Variants in GALNT14 observed in about 807,000 individuals in gnomAD.
GALNT14 encodes UDP-GalNAc:polypeptide N-acetylgalactosaminyltransferase 14.
GALNT14 carries 60 observed loss-of-function variants against 77.5 expected under a neutral mutation model. The observed-to-expected ratio is 0.77, with a 90% confidence interval of 0.63 to 0.96. The LOEUF is 0.96. Among genes scored for constraint, GALNT14 ranks in the 40% least tolerant of loss-of-function variants. The pLI is 0.00. For synonymous variants in GALNT14, 280 were observed against 281.7 expected (o/e 0.99, Z 0.06); for missense variants, 710 against 731.0 (o/e 0.97, Z 0.33).
At chr2:31,056,042 G>A (rs1674188620) in intron 1 of GALNT14, among the ~76,000 whole-genome samples, 1 of 152,194 alleles carries the variant, frequency 6.6e-6, no homozygotes, top group South Asian at 2.1e-4. Context: ...GGGGCACAGG[G>A]AATCTACAGC....
At chr2:30,938,201 T>C (rs2148270547) in intron 9 of GALNT14, among the ~76,000 whole-genome samples, 1 of 151,814 alleles carries the variant, frequency 6.6e-6, no homozygotes, top group Non-Finnish European at 1.5e-5. Context: ...GCTTTGGAAA[T>C]CCCCCATTTT....
chr2:31,072,852 T>G (rs1486927596), intron 1 of GALNT14, among the ~76,000 whole-genome samples: 1 of 152,192 alleles, frequency 6.6e-6, no homozygotes, highest in African/African-American at 2.4e-5. Flanking sequence ...GCTTGCTGAT[T>G]GTCTACTTGT....
intron 2 of GALNT14, among the ~76,000 whole-genome samples, chr2:30,991,945 G>GCT (rs1211554204): frequency 6.6e-6 from 1 of 152,104 alleles, no homozygotes; most frequent in Non-Finnish European, 1.5e-5. Flanking sequence ...AATATAAGAG[G>GCT]CTAAGAAGCT....
intron 1 of GALNT14, among the ~76,000 whole-genome samples, chr2:31,137,105 C>T (rs1679259342): frequency 6.6e-6 from 1 of 152,204 alleles, no homozygotes; most frequent in Non-Finnish European, 1.5e-5. Context: ...GGAAGGCTAC[C>T]ATGTCACGAA....
At position 30,942,277 on chromosome 2, in the gene GALNT14, G is replaced by T. The variant is rs541207790; in HGVS notation, c.855C>A (p.Phe285Leu). The change falls in exon 9 of 15, where the codon TTC (phenylalanine) becomes TTA (leucine). Residue 285 changes from phenylalanine (F) to leucine (L), a missense_variant. By Grantham distance (22) the Phe-to-Leu change is conservative. Transcript: ENST00000349752. ...AATCAAACCAAGCTTTGTCGATCAC[G>T]AAGAGCCCTCCAGCTATGATAGGAG... is the stretch of plus-strand genomic sequence containing the variant. The part of the protein sequence containing the change: ...IRTPIIAGGL[F>L]VIDKAWFDYL... 6.2e-7 allele frequency: 1 copy of T among 1,614,024 alleles called. No homozygotes were observed. Among genetic ancestry groups the T allele is most frequent in the Non-Finnish European group, 8.5e-7 (1 of 1,179,938 alleles).
chr2:30,969,127 A>C (rs1668190875), intron 2 of GALNT14, among the ~76,000 whole-genome samples: 1 of 152,146 alleles, frequency 6.6e-6, no homozygotes, highest in Non-Finnish European at 1.5e-5. Context: ...AGGAGGCAAC[A>C]AGTCACAGAG....
At chr2:31,113,178 C>T (rs1677926214) in intron 1 of GALNT14, among the ~76,000 whole-genome samples, 1 of 152,124 alleles carries the variant, frequency 6.6e-6, no homozygotes, top group Admixed American at 6.5e-5. Flanking sequence ...ATTGATGAAG[C>T]AATTCTGGAT....
chr2:31,037,356 A>G (rs1672802116), intron 1 of GALNT14, among the ~76,000 whole-genome samples: 1 of 152,138 alleles, frequency 6.6e-6, no homozygotes, highest in African/African-American at 2.4e-5. Context: ...TTACCTACTT[A>G]CTGGTATTCT....
At chr2:30,989,443 T>C (rs1447270219) in intron 2 of GALNT14, among the ~76,000 whole-genome samples, 1 of 151,222 alleles carries the variant, frequency 6.6e-6, no homozygotes, top group Non-Finnish European at 1.5e-5. Flanking sequence ...TCTTGAGTTT[T>C]CTCACAGAAA....
At chr2:30,999,994 G>A (rs1031609895) in intron 1 of GALNT14, among the ~76,000 whole-genome samples, 3 of 152,206 alleles carry the variant, frequency 2.0e-5, no homozygotes, top group African/African-American at 7.2e-5. Context: ...TTTTGCTGGT[G>A]AGCAGGACTC....
At chr2:30,926,838 T>A (rs1333887658) in intron 11 of GALNT14, among the ~76,000 whole-genome samples, 1 of 151,484 alleles carries the variant, frequency 6.6e-6, no homozygotes, top group Non-Finnish European at 1.5e-5. Context: ...GTGGGAGCAG[T>A]CTCAGGGCTT....
At chr2:31,082,285 C>T (rs573757642) in intron 1 of GALNT14, among the ~76,000 whole-genome samples, 1 of 152,242 alleles carries the variant, frequency 6.6e-6, no homozygotes, top group African/African-American at 2.4e-5. Context: ...CCAAGGCAGC[C>T]TCAGGATCCA....
chr2:31,042,424 T>A (rs193115722), intron 1 of GALNT14, among the ~76,000 whole-genome samples: 1 of 152,232 alleles, frequency 6.6e-6, no homozygotes, highest in East Asian at 1.9e-4. Flanking sequence ...CAAGATGACA[T>A]CTGAATTGGT....
rs1671379682 is a variant in GALNT14, at chr2:31,016,615, C to T, written c.130-23608G>A. Among the ~76,000 whole-genome samples the T allele has an allele frequency of 2.0e-5, 3 of 152,196 alleles. No homozygotes were observed. The South Asian group carries it at 6.2e-4, about 32-fold the overall frequency. ...GCTGGCTGCAAACTTCTACAGAGAC[C>T]TGCCCCCCAGAACAAGACCTGCCTC... On this transcript the variant is annotated intron_variant, in intron 1 of 14. Transcript: ENST00000349752.
At chr2:30,905,016 A>G in the GALNT14 span, among the ~76,000 whole-genome samples, 1 of 152,312 alleles carries the variant, frequency 6.6e-6, no homozygotes, top group Admixed American at 6.5e-5. Context: ...TGTTAGAAGG[A>G]AAACTAACAA....
intron 1 of GALNT14, among the ~76,000 whole-genome samples, chr2:31,073,559 G>C (rs536674772): frequency 8.5e-5 from 13 of 152,278 alleles, no homozygotes; most frequent in African/African-American, 3.1e-4. Context: ...CAGCTTCCTG[G>C]AGGGAAAACA....
intron 1 of GALNT14, among the ~76,000 whole-genome samples, chr2:31,057,766 A>G (rs890489864): frequency 6.6e-6 from 1 of 152,024 alleles, no homozygotes; most frequent in African/African-American, 2.4e-5. Context: ...CTTCCCCCAT[A>G]CATTCTCTCT....
intron 1 of GALNT14, among the ~76,000 whole-genome samples, chr2:31,072,292 C>T (rs1400532632): frequency 1.1e-5 from 1 of 88,786 alleles, no homozygotes; most frequent in African/African-American, 6.8e-5. Context: ...TACACACACA[C>T]ACACACACAC....
intron 2 of GALNT14, among the ~76,000 whole-genome samples, chr2:30,985,169 A>T (rs1308439718): frequency 2.6e-5 from 4 of 152,174 alleles, no homozygotes; most frequent in African/African-American, 9.7e-5. Context: ...TGAATGAATG[A>T]ATGAAATGTA....
Sources: gnomAD v4.1 joint callset for allele counts (sites outside exome capture counted in the v4.1 genomes callset) on GRCh38, gnomAD v4.1.1 for gene constraint, MANE v1.5 for transcripts, NCBI Gene and HGNC (gene_info 2026-07-23, HGNC 2026-07-21) for gene names.